Variants in NXN observed in about 807,000 individuals in gnomAD.
NXN encodes the protein nucleoredoxin 1.
NXN carries 16 observed loss-of-function variants against 48.6 expected under a neutral mutation model. The observed-to-expected ratio is 0.33, with a 90% confidence interval of 0.22 to 0.50. The LOEUF is 0.50. NXN is among the 20% of genes least tolerant of loss of function. The pLI, the probability that NXN is intolerant of heterozygous loss-of-function variation, is 0.98. For synonymous variants in NXN, 281 were observed against 269.6 expected (o/e 1.04, Z -0.41); for missense variants, 492 against 605.5 (o/e 0.81, Z 1.97).
At chr17:957,359 C>T (rs561025374) in intron 1 of NXN, among the ~76,000 whole-genome samples, 11 of 152,196 alleles carry the variant, frequency 7.2e-5, no homozygotes, top group Admixed American at 2.6e-4. Context: ...CTGGGCCGGG[C>T]GCAGGGGCTC....
intron 1 of NXN, among the ~76,000 whole-genome samples, chr17:846,731 T>C (rs992261858): frequency 3.3e-5 from 5 of 151,948 alleles, no homozygotes; most frequent in African/African-American, 1.2e-4. Context: ...AAGGGGTGTC[T>C]GTAATGAGCC....
intron 1 of NXN, among the ~76,000 whole-genome samples, chr17:960,351 C>T (rs2069222548): frequency 6.6e-6 from 1 of 152,102 alleles, no homozygotes; most frequent in African/African-American, 2.4e-5. Context: ...TAACCGCCAA[C>T]CCTTTTTTTT....
rs553244503 is a variant in NXN at position 842,896 on chromosome 17, G to A, written c.361-16818C>T. On this transcript the variant is annotated intron_variant, in intron 1 of 7. Transcript: ENST00000336868. The stretch of plus-strand genomic sequence containing the variant: ...GGAGGTTGCGGTAAGCCGAGATCGC[G>A]CCATTGCACTCCAGCCTGGGCAACA... 9.2e-5 allele frequency among the ~76,000 whole-genome samples: 14 copies of A among 151,956 alleles called. 1 individual carries two copies. The highest frequency in any genetic ancestry group is 8.3e-4 in the South Asian group (4 of 4,816).
At chr17:803,901 C>T in intron 6 of NXN, 95 bp from the exon 7 acceptor site, 5 of 1,535,432 alleles carry the variant, frequency 3.3e-6, no homozygotes, top group East Asian at 2.3e-5. Context: ...GCTGCAGAAA[C>T]GCCCGCCTGA....
intron 1 of NXN, among the ~76,000 whole-genome samples, chr17:870,687 G>A (rs553671697): frequency 1.3e-5 from 2 of 151,988 alleles, no homozygotes; most frequent in East Asian, 1.9e-4. Context: ...CCTGGAAGGC[G>A]GAGGTGCCAG....
In NXN at chr17:871,651, T is replaced by C. The variant is rs2068156493; in HGVS notation, c.361-45573A>G. Among the ~76,000 whole-genome samples, 3 of 151,914 alleles carry C rather than the reference T, an allele frequency of 2.0e-5. No individual in the cohort carries two copies. In the South Asian group the frequency reaches 6.3e-4, roughly 32 times the overall value. ...AACTCCTGACCTCAGGTGATCCACC[T>C]GCCTCAGCCTCCCAAAGTGCTGGGT... On this transcript the variant is annotated intron_variant, in intron 1 of 7. Transcript: ENST00000336868.
chr17:848,239 G>A (rs1312805771), intron 1 of NXN, among the ~76,000 whole-genome samples: 2 of 152,010 alleles, frequency 1.3e-5, no homozygotes, highest in East Asian at 3.9e-4. Context: ...CTGGCTTCAA[G>A]CAATTCTCCT....
intron 5 of NXN, among the ~76,000 whole-genome samples, chr17:813,008 G>T (rs1382603203): frequency 6.6e-6 from 1 of 151,988 alleles, no homozygotes; most frequent in Non-Finnish European, 1.5e-5. Context: ...GTTTGCATGT[G>T]TGTAGGTTGT....
intron 1 of NXN, among the ~76,000 whole-genome samples, chr17:928,725 A>C (rs1157217769): frequency 6.6e-6 from 1 of 152,038 alleles, no homozygotes; most frequent in Non-Finnish European, 1.5e-5. Flanking sequence ...AATCCCAGCT[A>C]CTCGGGAGGC....
chr17:918,858 A>G (rs2068716955), intron 1 of NXN, among the ~76,000 whole-genome samples: 1 of 151,542 alleles, frequency 6.6e-6, no homozygotes, highest in African/African-American at 2.4e-5. Context: ...AAGGACTCAG[A>G]AAACAAAGTA....
In NXN at chr17:940,774, T is replaced by C. The variant is rs1445344283; in HGVS notation, c.360+38545A>G. ...GGCGCAGCCATGAATTCAGATCACA[T>C]CTCCCTGGATTTCCAGTGAAATAGA... is the stretch of plus-strand genomic sequence containing the variant. On this transcript the variant is annotated intron_variant, in intron 1 of 7. Coordinates refer to ENST00000336868, the MANE Select transcript of NXN (RefSeq NM_022463.5). Among the ~76,000 whole-genome samples, 8 of 144,014 alleles carry C rather than the reference T, an allele frequency of 5.6e-5. 1 individual carries two copies. The East Asian group carries it at 1.0e-3, about 19-fold the overall frequency. The allele number at this position is 144,014 out of a possible 152,430, so 94.5% of individuals were successfully genotyped here.
chr17:815,817 G>A (rs1912441135), intron 5 of NXN, among the ~76,000 whole-genome samples: 1 of 152,218 alleles, frequency 6.6e-6, no homozygotes, highest in African/African-American at 2.4e-5. Flanking sequence ...GGTGCTCCAA[G>A]ACCCAGCCAC....
chr17:936,091 CAAA>C (rs71371597), intron 1 of NXN, among the ~76,000 whole-genome samples: 8 of 61,788 alleles, frequency 1.3e-4, no homozygotes, highest in Non-Finnish European at 1.5e-4. Flanking sequence ...GATTCCATCT[CAAA>C]AAAAAAAAAA....
intron 1 of NXN, among the ~76,000 whole-genome samples, chr17:945,190 T>A (rs1052898645): frequency 2.6e-5 from 4 of 151,856 alleles, no homozygotes; most frequent in Non-Finnish European, 5.9e-5. Flanking sequence ...CAAGCAATTC[T>A]CCTGCCTCAG....
chr17:810,084 C>A lies in NXN; in HGVS notation c.821-4837G>T, dbSNP rs556170673. On this transcript the variant is annotated intron_variant, in intron 5 of 7. Transcript: ENST00000336868. ...GTCCCTGTGAGTGGCGTGCACGTTA[C>A]GAGTCCGTGTGAGTGGCGTGCACGT... Among the ~76,000 whole-genome samples, 141 of 80,730 alleles carry A rather than the reference C, an allele frequency of 1.7e-3. 1 individual carries two copies. Among genetic ancestry groups the A allele is most frequent in the East Asian group, 5.0e-3 (11 of 2,210 alleles). The allele number at this position is 80,730 out of a possible 152,430, so 53.0% of individuals were successfully genotyped here. A position where few individuals can be genotyped will look rare whatever the true frequency, so the allele number is the denominator to read the frequency against.
chr17:803,880 AG>A, intron 6 of NXN, 74 bp from the exon 7 acceptor site: 3 of 1,591,974 alleles, frequency 1.9e-6, no homozygotes, highest in Non-Finnish European at 2.6e-6. Context: ...GCACCCGCCG[AG>A]GGGGCCTGAG....
chr17:836,707 AACCTAC>A (rs1421086887), intron 1 of NXN, among the ~76,000 whole-genome samples: 1 of 152,184 alleles, frequency 6.6e-6, no homozygotes, highest in Non-Finnish European at 1.5e-5. Context: ...TAGATAACAG[AACCTAC>A]ACCTCACTGA....
intron 1 of NXN, among the ~76,000 whole-genome samples, chr17:913,392 A>G (rs1393127753): frequency 6.6e-6 from 1 of 152,140 alleles, no homozygotes; most frequent in East Asian, 1.9e-4. Context: ...AGAGTCTGGG[A>G]ACCCTTTTTG....
intron 1 of NXN, among the ~76,000 whole-genome samples, chr17:832,219 C>G (rs906628692): frequency 4.6e-5 from 7 of 151,978 alleles, no homozygotes; most frequent in Admixed American, 3.9e-4. Context: ...GCTCTGTCAC[C>G]CAGGCTGGAG....
Sources: allele counts gnomAD v4.1 joint callset (sites outside exome capture counted in the v4.1 genomes callset), GRCh38; gene constraint gnomAD v4.1.1; transcripts MANE v1.5; gene names NCBI Gene and HGNC (gene_info 2026-07-23, HGNC 2026-07-21).